STS: variants seen among roughly 807,000 people sequenced by gnomAD.
The protein encoded by STS is steroid sulfatase, also known as steryl-sulfatase.
STS carries 7 observed loss-of-function variants against 26.8 expected under a neutral mutation model. The observed-to-expected ratio is 0.26, with a 90% CI of 0.15 to 0.49. STS has a LOEUF of 0.49. Among genes scored for constraint, STS ranks in the 20% least tolerant of loss-of-function variants. The probability of loss-of-function intolerance (pLI) is 0.98; values close to 1 mark genes in which losing one functional copy is unlikely to be tolerated. For missense variants in STS, 434 were observed against 465.6 expected, an observed-to-expected ratio of 0.93 and a Z score of 0.63; for synonymous variants, 199 against 189.4, an observed-to-expected ratio of 1.05 and a Z score of -0.42.
intron 7 of STS, among the ~76,000 whole-genome samples, chrX:7,286,493 C>A (rs778483989): frequency 9.0e-6 from 1 of 110,671 alleles, no homozygotes; most frequent in South Asian, 3.8e-4. Flanking sequence ...TATTAAGCCT[C>A]TGCTGCCTAA....
chrX:7,197,533 A>T (rs772524358), intron 2 of STS, among the ~76,000 whole-genome samples: 1 of 112,025 alleles, frequency 8.9e-6, no homozygotes, highest in African/African-American at 3.2e-5. Context: ...TACATATAGG[A>T]TAAAAAAAGA....
At chrX:7,316,009 G>A (rs1373909454) in intron 8 of STS, among the ~76,000 whole-genome samples, 1 of 111,743 alleles carries the variant, frequency 8.9e-6, no homozygotes, top group Non-Finnish European at 1.9e-5. Flanking sequence ...CATCAAGAGG[G>A]AGCAGCAGAA....
intron 2 of STS, among the ~76,000 whole-genome samples, chrX:7,245,586 G>A (rs771392156): frequency 8.9e-5 from 10 of 112,136 alleles, no homozygotes; most frequent in East Asian, 2.8e-4. Flanking sequence ...TAATGTGTGC[G>A]AAGCATGAGA....
Position 7,169,302 on chromosome X carries a change from C to A in STS, c.-134+21219C>A, listed in dbSNP as rs537112219. 9.8e-5 allele frequency among the ~76,000 whole-genome samples: 11 copies of A among 112,388 alleles called. No homozygotes were observed. In the South Asian group the frequency reaches 3.7e-3, roughly 38 times the overall value. ...CCAAGAGGAGGGATCTCTGACCTTTCTTTTCCCATCTGCCCTTTCTCTTCT... is the reference window on the plus strand; with the variant it reads ...CCAAGAGGAGGGATCTCTGACCTTTATTTTCCCATCTGCCCTTTCTCTTCT... On this transcript the variant is annotated intron_variant, in intron 1 of 10. Coordinates refer to ENST00000674429, the MANE Select transcript of STS (RefSeq NM_001320752.2).
chrX:7,299,959 C>T, intron 7 of STS, among the ~76,000 whole-genome samples: 1 of 111,896 alleles, frequency 8.9e-6, no homozygotes, highest in Middle Eastern at 4.6e-3. Flanking sequence ...ATGTTTGAAA[C>T]CCTTCTCTCT....
At chrX:7,230,413 C>T (rs1013887507) in intron 2 of STS, among the ~76,000 whole-genome samples, 8 of 111,332 alleles carry the variant, frequency 7.2e-5, no homozygotes, top group Middle Eastern at 4.6e-3. Context: ...TTCATGATTT[C>T]CCTAAAGTGA....
intron 1 of STS, among the ~76,000 whole-genome samples, chrX:7,156,786 T>G (rs980059659): frequency 6.1e-4 from 68 of 112,253 alleles, no homozygotes; most frequent in Admixed American, 2.8e-3. Flanking sequence ...CAAAAATACC[T>G]AGAAACTATT....
At chrX:7,158,740 A>AT (rs1569177656) in intron 1 of STS, among the ~76,000 whole-genome samples, 1 of 111,639 alleles carries the variant, frequency 9.0e-6, no homozygotes, top group African/African-American at 3.3e-5. Flanking sequence ...TTACTCTGGA[A>AT]TTAAAGCTGC....
chrX:7,240,533 GTATA>G (rs58524417), intron 2 of STS, among the ~76,000 whole-genome samples: 150 of 60,442 alleles, frequency 2.5e-3, no homozygotes, highest in South Asian at 0.016. Context: ...GTGTGTGTGT[GTATA>G]TATATATATA....
At chrX:7,186,179 T>C (rs1344740657) in intron 1 of STS, among the ~76,000 whole-genome samples, 1 of 112,766 alleles carries the variant, frequency 8.9e-6, no homozygotes, top group Non-Finnish European at 1.9e-5. Context: ...TTTACAACAG[T>C]CAATATTGCA....
At chrX:7,183,253 A>G (rs1181700542) in intron 1 of STS, among the ~76,000 whole-genome samples, 1 of 112,136 alleles carries the variant, frequency 8.9e-6, no homozygotes, top group Non-Finnish European at 1.9e-5. Context: ...GTTCCCCAGG[A>G]GAAACCTTCA....
intron 8 of STS, among the ~76,000 whole-genome samples, chrX:7,321,832 G>C (rs1031229828): frequency 6.3e-5 from 7 of 111,931 alleles, no homozygotes; most frequent in African/African-American, 2.3e-4. Context: ...GTGCCCCTTA[G>C]CCCTATGCTG....
At chrX:7,238,857 A>C (rs1433880188) in intron 2 of STS, among the ~76,000 whole-genome samples, 1 of 110,809 alleles carries the variant, frequency 9.0e-6, no homozygotes, top group Admixed American at 9.7e-5. Context: ...TAATTTAAAA[A>C]ATTAAAAAAT....
At chrX:7,349,300 G>A (rs1201418833) in intron 10 of STS, among the ~76,000 whole-genome samples, 2 of 86,676 alleles carry the variant, frequency 2.3e-5, no homozygotes, top group Non-Finnish European at 4.3e-5. Flanking sequence ...CGCTGCACTC[G>A]GCCCTCATTT....
chrX:7,252,912 A>G (rs1295591457), intron 2 of STS, among the ~76,000 whole-genome samples: 1 of 111,759 alleles, frequency 8.9e-6, no homozygotes, highest in Non-Finnish European at 1.9e-5. Context: ...GCACTTTGCA[A>G]GGGTGTGGCA....
At chrX:7,207,893 G>A (rs1256943705) in intron 2 of STS, among the ~76,000 whole-genome samples, 1 of 111,877 alleles carries the variant, frequency 8.9e-6, no homozygotes, top group African/African-American at 3.2e-5. Context: ...ACAAATTGAT[G>A]TGTGAAACAA....
intron 1 of STS, among the ~76,000 whole-genome samples, chrX:7,189,680 A>G (rs751356826): frequency 3.6e-4 from 40 of 112,472 alleles, no homozygotes; most frequent in African/African-American, 1.2e-3. Flanking sequence ...GAAAACATCT[A>G]TTGAGTGTTT....
At chrX:7,200,739 A>C (rs756339862) in intron 2 of STS, among the ~76,000 whole-genome samples, 4 of 111,397 alleles carry the variant, frequency 3.6e-5, no homozygotes, top group Non-Finnish European at 7.5e-5. Context: ...ACCGCAGTCC[A>C]AGCATATTTT....
intron 2 of STS, among the ~76,000 whole-genome samples, chrX:7,213,580 C>T (rs1175690466): frequency 1.2e-4 from 13 of 111,358 alleles, no homozygotes; most frequent in African/African-American, 4.3e-4. Flanking sequence ...GTGTCCACTG[C>T]GTTTTAGGAT....
Sources: gnomAD v4.1 joint callset for allele counts (sites outside exome capture counted in the v4.1 genomes callset) on GRCh38, gnomAD v4.1.1 for gene constraint, MANE v1.5 for transcripts, NCBI Gene and HGNC (gene_info 2026-07-23, HGNC 2026-07-21) for gene names.